Variants in RAC1 observed in about 807,000 individuals in gnomAD.
The protein encoded by RAC1 is Rac family small GTPase 1.
RAC1 carries 2 observed loss-of-function variants against 25.2 expected under a neutral mutation model. The observed-to-expected ratio is 0.08, with a 90% CI of 0.03 to 0.25. The LOEUF is 0.25. RAC1 is among the 10% of genes least tolerant of loss of function. The pLI, the probability that RAC1 is intolerant of heterozygous loss-of-function variation, is 1.00. For synonymous variants in RAC1, 88 were observed against 94.0 expected (o/e 0.94, Z 0.37); for missense variants, 50 against 235.7 (o/e 0.21, Z 5.16).
chr7:6,387,083 T>C, intron 1 of RAC1, 129 bp from the exon 2 acceptor site: 1 of 596,704 alleles, frequency 1.7e-6, no homozygotes, highest in Non-Finnish European at 2.9e-6. Flanking sequence ...ATAGAAAACA[T>C]TTTCTTTAAT....
At chr7:6,385,101 T>A (rs1003521522) in intron 1 of RAC1, among the ~76,000 whole-genome samples, 2 of 152,206 alleles carry the variant, frequency 1.3e-5, no homozygotes, top group Admixed American at 6.5e-5. Context: ...CCACCATGCC[T>A]GGCCTAAAAA....
At chr7:6,395,783 G>C (rs1208362595) in intron 3 of RAC1, among the ~76,000 whole-genome samples, 1 of 152,232 alleles carries the variant, frequency 6.6e-6, no homozygotes, top group Non-Finnish European at 1.5e-5. Flanking sequence ...ACAGGCGTGA[G>C]CCACTGCGCC....
chr7:6,396,214 C>G (rs929926), intron 3 of RAC1, among the ~76,000 whole-genome samples: 23,775 of 152,170 alleles, frequency 0.16, 2,127 homozygotes, highest in Admixed American at 0.23. Context: ...AGGAAGGAAA[C>G]TGAGAGACCC....
chr7:6,385,898 C>G (rs1180822326), intron 1 of RAC1, among the ~76,000 whole-genome samples: 1 of 152,158 alleles, frequency 6.6e-6, no homozygotes, highest in Admixed American at 6.6e-5. Context: ...CTAACTGAAC[C>G]CTCAGGATGC....
intron 3 of RAC1, among the ~76,000 whole-genome samples, chr7:6,395,006 C>T (rs1431313917): frequency 1.3e-5 from 2 of 152,210 alleles, no homozygotes; most frequent in South Asian, 4.1e-4. Context: ...AGGCGCCCGC[C>T]ACCACACCTG....
chr7:6,376,176 CTTTTTTT>C (rs747387468), intron 1 of RAC1, among the ~76,000 whole-genome samples: 9 of 65,514 alleles, frequency 1.4e-4, no homozygotes, highest in Admixed American at 2.6e-4. Flanking sequence ...GCTATTCAGG[CTTTTTTT>C]TTTTTTTTTT....
At chr7:6,400,392 A>T (rs1783363476) in intron 4 of RAC1, among the ~76,000 whole-genome samples, 1 of 151,580 alleles carries the variant, frequency 6.6e-6, no homozygotes, top group Admixed American at 6.6e-5. Flanking sequence ...TGTAGTGGTG[A>T]CATCAGAGCT....
chr7:6,397,816 G>C (rs1397842558), intron 3 of RAC1, among the ~76,000 whole-genome samples: 1 of 151,964 alleles, frequency 6.6e-6, no homozygotes, highest in African/African-American at 2.4e-5. Flanking sequence ...GGTGAAACCT[G>C]GTCTCTACTA....
At chr7:6,377,214 ATT>A (rs2115181186) in intron 1 of RAC1, among the ~76,000 whole-genome samples, 1 of 150,762 alleles carries the variant, frequency 6.6e-6, no homozygotes, top group South Asian at 2.1e-4. Flanking sequence ...TTTTTTTTTA[ATT>A]AGTTATGAGC....
chr7:6,388,587 G>A (rs1364145950), intron 2 of RAC1, among the ~76,000 whole-genome samples: 1 of 151,828 alleles, frequency 6.6e-6, no homozygotes, highest in Non-Finnish European at 1.5e-5. Flanking sequence ...CAGGTGATCT[G>A]CCCACTTCAG....
At chr7:6,391,621 C>A in intron 2 of RAC1, 1 of 354,562 alleles carries the variant, frequency 2.8e-6, no homozygotes, top group Non-Finnish European at 5.2e-6. Context: ...CTTATTTCTT[C>A]TGGGGATAAA....
chr7:6,380,563 C>A (rs771163765), intron 1 of RAC1, among the ~76,000 whole-genome samples: 1 of 152,168 alleles, frequency 6.6e-6, no homozygotes, highest in Non-Finnish European at 1.5e-5. Context: ...ATCTCCATCA[C>A]TACGTAGCTC....
rs1457742662 is a variant in RAC1 at position 6,403,633 on chromosome 7, CCTT to C, written c.*1191_*1193del. The C allele has an allele frequency of 2.4e-5, 5 of 210,780 alleles. No homozygotes were observed. The highest frequency in any genetic ancestry group is 3.8e-5 in the Non-Finnish European group (4 of 103,924). The allele number at this position is 210,780 out of a possible 1,614,324, so 13.1% of individuals were successfully genotyped here. Reference sequence around the variant, plus strand: ...TTTTAGATAATTCTTAAACTATGAACCTTCTTAACATCACTGTCTTGCCAGATT... The same window carrying C: ...TTTTAGATAATTCTTAAACTATGAACCTTAACATCACTGTCTTGCCAGATT... On this transcript the variant is annotated 3_prime_UTR_variant, in exon 6 of 6. Coordinates refer to ENST00000348035, the MANE Select transcript of RAC1 (RefSeq NM_006908.5).
intron 1 of RAC1, among the ~76,000 whole-genome samples, chr7:6,384,234 ACT>A (rs892761498): frequency 5.3e-5 from 8 of 152,058 alleles, no homozygotes; most frequent in African/African-American, 1.9e-4. Flanking sequence ...ACTTATGTTC[ACT>A]GTCCAGTCCC....
chr7:6,385,651 T>A (rs1447129114), intron 1 of RAC1, among the ~76,000 whole-genome samples: 1 of 152,226 alleles, frequency 6.6e-6, no homozygotes, highest in East Asian at 1.9e-4. Context: ...AGTTCCAACT[T>A]TTGTTAAGCC....
In RAC1 at chr7:6,403,335, A is replaced by G. The variant is rs1783474565; in HGVS notation, c.*889A>G. On this transcript the variant is annotated 3_prime_UTR_variant, in exon 6 of 6. Transcript: ENST00000348035. ...GCTTTTCCTTTCTCTTACACCTGCC[A>G]TGCCTCCCCAAATTGGGCATTTAAT... 1 of 209,182 alleles carries G rather than the reference A, an allele frequency of 4.8e-6. No homozygotes were observed. Among genetic ancestry groups the G allele is most frequent in the East Asian group, 7.3e-5 (1 of 13,624 alleles). 13.0% of individuals were successfully genotyped at this position (209,182 alleles called of 1,614,324 possible). A position where few individuals can be genotyped will look rare whatever the true frequency, so the allele number is the denominator to read the frequency against.
At chr7:6,393,784 G>T (rs540494082) in intron 3 of RAC1, among the ~76,000 whole-genome samples, 1 of 152,274 alleles carries the variant, frequency 6.6e-6, no homozygotes, top group South Asian at 2.1e-4. Context: ...CTAGCAAGGG[G>T]GTGAGCCGGG....
At chr7:6,397,233 T>A (rs1783265765) in intron 3 of RAC1, among the ~76,000 whole-genome samples, 1 of 129,654 alleles carries the variant, frequency 7.7e-6, no homozygotes, top group African/African-American at 3.2e-5. Flanking sequence ...AGAGCGAGAC[T>A]CTGTCTCAAA....
chr7:6,399,339 CT>C (rs1783335611), intron 3 of RAC1, among the ~76,000 whole-genome samples: 1 of 152,152 alleles, frequency 6.6e-6, no homozygotes, highest in Admixed American at 6.6e-5. Flanking sequence ...GCATAATTGC[CT>C]TTTTCCAGGA....
Sources: allele counts gnomAD v4.1 joint callset (sites outside exome capture counted in the v4.1 genomes callset), GRCh38; gene constraint gnomAD v4.1.1; transcripts MANE v1.5; gene names NCBI Gene and HGNC (gene_info 2026-07-23, HGNC 2026-07-21).